GPC1: variants seen among roughly 807,000 people sequenced by gnomAD.
GPC1 encodes the protein glypican-1.
Under a neutral mutation model 51.5 loss-of-function variants are expected in GPC1, and 26 were observed. The ratio of observed to expected loss-of-function variants is 0.50; its 90% CI spans 0.37 to 0.70. The LOEUF (loss-of-function observed/expected upper bound fraction) is 0.70, where lower values mean the gene tolerates loss of function less well. Among genes scored for constraint, GPC1 ranks in the 30% least tolerant of loss-of-function variants. GPC1 has a pLI of 0.00. For missense variants in GPC1, 775 were observed against 800.5 expected (o/e 0.97, Z 0.38); for synonymous variants, 380 against 348.3 (o/e 1.09, Z -1.01).
chr2:240,446,256 C>G (rs1006549260), intron 1 of GPC1, among the ~76,000 whole-genome samples: 1 of 152,110 alleles, frequency 6.6e-6, no homozygotes, highest in African/African-American at 2.4e-5. Context: ...GCCTGCCGTG[C>G]GAGTGAGAGG....
At position 240,458,488 on chromosome 2, in the gene GPC1, C is replaced by T. The variant is rs1217619874; in HGVS notation, c.167-542C>T. 3 of 186,490 alleles carry T rather than the reference C, an allele frequency of 1.6e-5. No individual in the cohort carries two copies. In the East Asian group the frequency reaches 3.9e-4, roughly 24 times the overall value. The allele number at this position is 186,490 out of a possible 1,614,324, so 11.6% of individuals were successfully genotyped here. A position where few individuals can be genotyped will look rare whatever the true frequency, so the allele number is the denominator to read the frequency against. ...GCCTGCCAGCTGCACCAGAGCACAC[C>T]TGCCCCCATACCAGACTCGTGCCTG... is the stretch of plus-strand genomic sequence containing the variant. On this transcript the variant is annotated intron_variant, in intron 1 of 8. Transcript: ENST00000264039.
At chr2:240,437,390 A>G (rs1054851470) in intron 1 of GPC1, among the ~76,000 whole-genome samples, 1 of 150,952 alleles carries the variant, frequency 6.6e-6, no homozygotes, top group Non-Finnish European at 1.5e-5. Flanking sequence ...GGGCCCCCTG[A>G]CCGCCCCCCA....
chr2:240,465,908 C>T (rs2074257303), intron 8 of GPC1, 150 bp from the exon 9 acceptor site: 3 of 626,666 alleles, frequency 4.8e-6, no homozygotes, highest in Admixed American at 5.5e-5. Flanking sequence ...AGTCTCCCAG[C>T]CTCAGGGGTC....
Position 240,462,464 on chromosome 2 carries a change from G to A in GPC1, c.599G>A (p.Arg200Gln), listed in dbSNP as rs761559309. ...CTGGGCAAGCAGGCCGAGGCGCTGC[G>A]GCCCTTCGGGGAGGCCCCGAGAGAG... The part of the protein sequence containing the change: ...DCLGKQAEAL[R>Q]PFGEAPRELR... Residue 200 changes from arginine to glutamine, a missense_variant, in exon 3 of 9, where the codon CGG (arginine) becomes CAG (glutamine). Arg to Gln is a conservative substitution (Grantham distance 43). Transcript: ENST00000264039. 58 of 1,604,260 alleles carry A rather than the reference G, an allele frequency of 3.6e-5. No homozygotes were observed. In the South Asian group the frequency reaches 4.0e-4, roughly 11 times the overall value.
chr2:240,463,611 A>G lies in GPC1; in HGVS notation c.883+99A>G, dbSNP rs2074235865. The G allele has an allele frequency of 2.8e-5, 29 of 1,022,422 alleles. No individual in the cohort carries two copies. The South Asian group carries it at 4.0e-4, about 14-fold the overall frequency. The allele number at this position is 1,022,422 out of a possible 1,614,324, so 63.3% of individuals were successfully genotyped here. On this transcript the variant is annotated intron_variant, in intron 4 of 8. Coordinates refer to ENST00000264039, the MANE Select transcript of GPC1 (RefSeq NM_002081.3). ...GGTCCCTAGCTTAGAGCTTGGACCCAGGGACCTGATCAGGGATGCCCTGAC... is the reference window on the plus strand; with the variant it reads ...GGTCCCTAGCTTAGAGCTTGGACCCGGGGACCTGATCAGGGATGCCCTGAC...
intron 1 of GPC1, chr2:240,449,203 G>GCCC (rs1574761512): frequency 6.5e-6 from 1 of 153,158 alleles, no homozygotes; most frequent in East Asian, 1.9e-4. Flanking sequence ...CCTGGACGGG[G>GCCC]TCTGAGACCT....
intron 1 of GPC1, among the ~76,000 whole-genome samples, chr2:240,453,932 G>A (rs1033873666): frequency 7.2e-5 from 11 of 152,166 alleles, no homozygotes; most frequent in African/African-American, 2.7e-4. Context: ...GCCGGCCTGG[G>A]GCGCGGACCC....
At chr2:240,438,067 GA>G (rs1352330757) in intron 1 of GPC1, among the ~76,000 whole-genome samples, 1 of 152,158 alleles carries the variant, frequency 6.6e-6, no homozygotes, top group African/African-American at 2.4e-5. Flanking sequence ...TGGGGCAGGG[GA>G]TGCTGTCCAC....
intron 1 of GPC1, among the ~76,000 whole-genome samples, chr2:240,439,577 T>C (rs2074004985): frequency 6.6e-6 from 1 of 152,236 alleles, no homozygotes; most frequent in Non-Finnish European, 1.5e-5. Flanking sequence ...GTGCCACTTT[T>C]GACCGCCTGG....
At chr2:240,464,178 A>G (rs576983113) in intron 4 of GPC1, 58 of 233,542 alleles carry the variant, frequency 2.5e-4, no homozygotes, top group African/African-American at 1.2e-3. Flanking sequence ...CTCACCGTGC[A>G]CGCAACACAC....
chr2:240,438,922 C>T (rs76959112), intron 1 of GPC1, among the ~76,000 whole-genome samples: 5,738 of 152,284 alleles, frequency 0.038, 113 homozygotes, highest in African/African-American at 0.048. Flanking sequence ...TGCCAGGGCA[C>T]GGCACAGAAG....
At chr2:240,442,922 AC>A (rs2074027516) in intron 1 of GPC1, among the ~76,000 whole-genome samples, 1 of 151,906 alleles carries the variant, frequency 6.6e-6, no homozygotes, top group African/African-American at 2.4e-5. Context: ...CCTGCCACTC[AC>A]CCCCGTCCAC....
Position 240,464,806 on chromosome 2 carries a change from G to C in GPC1, c.1015-50G>C, listed in dbSNP as rs771908046. The C allele has an allele frequency of 3.8e-6, 6 of 1,566,726 alleles. No individual in the cohort carries two copies. In the Admixed American group the frequency reaches 9.4e-5, roughly 24 times the overall value. On this transcript the variant is annotated intron_variant, in intron 5 of 8. Transcript: ENST00000264039. ...TGGGGGTCCTGGATGTGGCCCCATT[G>C]GGCTTGAGGGGCCCCACTACCCCCC... is the stretch of plus-strand genomic sequence containing the variant.
chr2:240,450,361 G>T, intron 1 of GPC1: 1 of 343,650 alleles, frequency 2.9e-6, no homozygotes, highest in East Asian at 7.9e-5. Context: ...TGGGATTGGA[G>T]TCAGGGCAGG....
At chr2:240,441,843 AC>A (rs2074019428) in intron 1 of GPC1, among the ~76,000 whole-genome samples, 2 of 152,212 alleles carry the variant, frequency 1.3e-5, no homozygotes. Flanking sequence ...AGGCGGGAGC[AC>A]GCAGCAGCCA....
chr2:240,448,625 G>A lies in GPC1; in HGVS notation c.167-10405G>A, dbSNP rs943950942. ...GCAGGGCCCACAGGAGGTCGAGGTC[G>A]GAGCTCACCTTTGGGGAGGCGATCA... is the stretch of plus-strand genomic sequence containing the variant. On this transcript the variant is annotated intron_variant, in intron 1 of 8. Transcript: ENST00000264039. The surrounding 1 kb of genome is among the most constrained non-coding windows in gnomAD (Gnocchi z 4.5). Among the ~76,000 whole-genome samples the A allele has an allele frequency of 1.7e-4, 25 of 149,648 alleles. No individual in the cohort carries two copies. The highest frequency in any genetic ancestry group is 5.0e-4 in the African/African-American group (20 of 40,392).
At position 240,458,069 on chromosome 2, in the gene GPC1, C is replaced by T. The variant is rs76338343; in HGVS notation, c.167-961C>T. 5.7e-4 allele frequency: 269 copies of T among 470,912 alleles called. 2 individuals are homozygous for T. The East Asian group carries it at 0.012, about 20-fold the overall frequency. The allele number at this position is 470,912 out of a possible 1,614,324, so 29.2% of individuals were successfully genotyped here. A position where few individuals can be genotyped will look rare whatever the true frequency, so the allele number is the denominator to read the frequency against. The stretch of plus-strand genomic sequence containing the variant: ...GTGTGGAGTCCTGAGCTTAGGCAGC[C>T]GGAACCACTTGCCCCCTCACTGTAT... On this transcript the variant is annotated intron_variant, in intron 1 of 8. Coordinates refer to ENST00000264039, the MANE Select transcript of GPC1 (RefSeq NM_002081.3).
chr2:240,452,953 C>T (rs1275971006), intron 1 of GPC1: 3 of 331,638 alleles, frequency 9.0e-6, no homozygotes, highest in South Asian at 6.3e-5. Context: ...CGCCGCCTTT[C>T]CCCGGCCCGA....
intron 6 of GPC1, 37 bp downstream of exon 6, chr2:240,465,012 A>G: frequency 6.4e-7 from 1 of 1,573,452 alleles, no homozygotes; most frequent in South Asian, 1.2e-5. Context: ...ACCAGGCATG[A>G]GGGAGGCAGA....
Sources: allele counts gnomAD v4.1 joint callset (sites outside exome capture counted in the v4.1 genomes callset), GRCh38; gene constraint gnomAD v4.1.1; non-coding constraint Gnocchi (gnomAD v3.1); transcripts MANE v1.5; gene names NCBI Gene and HGNC (gene_info 2026-07-23, HGNC 2026-07-21).